Variants in ARHGAP15 observed in about 807,000 individuals in gnomAD.
The protein encoded by ARHGAP15 is Rho GTPase activating protein 15.
A neutral mutation model predicts 63.7 loss-of-function variants in ARHGAP15; 51 were observed. That is an observed-to-expected ratio of 0.80 (90% confidence interval 0.64 to 1.01). The LOEUF is 1.01. ARHGAP15 is among the 50% of genes least tolerant of loss of function. The pLI is 0.00. For synonymous variants in ARHGAP15, 191 were observed against 193.8 expected (o/e 0.99, Z 0.12); for missense variants, 560 against 564.6 (o/e 0.99, Z 0.08).
intron 1 of ARHGAP15, among the ~76,000 whole-genome samples, chr2:143,149,082 C>G (rs1384741102): frequency 6.6e-6 from 1 of 151,910 alleles, no homozygotes. Context: ...TAAGATCTTT[C>G]CAGGGGATAG....
intron 6 of ARHGAP15, among the ~76,000 whole-genome samples, chr2:143,376,722 TA>T (rs1197180457): frequency 2.6e-5 from 4 of 151,998 alleles, no homozygotes; most frequent in African/African-American, 9.7e-5. Context: ...ATTCATACTT[TA>T]ATTTACTCCC....
At chr2:143,352,282 A>G (rs988455478) in intron 6 of ARHGAP15, among the ~76,000 whole-genome samples, 1 of 152,228 alleles carries the variant, frequency 6.6e-6, no homozygotes, top group African/African-American at 2.4e-5. Context: ...TGCCATCTAA[A>G]TAAATAAATA....
intron 9 of ARHGAP15, among the ~76,000 whole-genome samples, chr2:143,493,912 T>A (rs1692699285): frequency 6.6e-6 from 1 of 152,196 alleles, no homozygotes. Context: ...AAAATTCCAT[T>A]GCCTGTCCAA....
At chr2:143,602,181 TG>T (rs1697798192) in intron 11 of ARHGAP15, among the ~76,000 whole-genome samples, 1 of 152,206 alleles carries the variant, frequency 6.6e-6, no homozygotes, top group Non-Finnish European at 1.5e-5. Context: ...ATGGTTGTCA[TG>T]TACACGTTAC....
chr2:143,591,578 AGT>A (rs1281574695), intron 11 of ARHGAP15, among the ~76,000 whole-genome samples: 1 of 151,010 alleles, frequency 6.6e-6, no homozygotes, highest in Non-Finnish European at 1.5e-5. Context: ...TTATTATGCA[AGT>A]GTTTCTGGGA....
At chr2:143,531,372 A>T (rs1423876230) in intron 10 of ARHGAP15, among the ~76,000 whole-genome samples, 1 of 152,182 alleles carries the variant, frequency 6.6e-6, no homozygotes, top group African/African-American at 2.4e-5. Context: ...CAGACATTCA[A>T]TCATTTTCAG....
intron 2 of ARHGAP15, among the ~76,000 whole-genome samples, chr2:143,188,644 A>G (rs1691543103): frequency 7.0e-6 from 1 of 142,140 alleles, no homozygotes; most frequent in African/African-American, 2.6e-5. Context: ...TATTATTATT[A>G]TTATTATTAT....
chr2:143,445,153 A>ACTTTTCTTT (rs765945989), intron 8 of ARHGAP15, among the ~76,000 whole-genome samples: 1 of 74,426 alleles, frequency 1.3e-5, no homozygotes, highest in African/African-American at 5.4e-5. Flanking sequence ...AAGAACAATT[A>ACTTTTCTTT]TTTTTTTTTT....
At chr2:143,357,674 A>C (rs1685866044) in intron 6 of ARHGAP15, among the ~76,000 whole-genome samples, 1 of 152,234 alleles carries the variant, frequency 6.6e-6, no homozygotes, top group Admixed American at 6.5e-5. Flanking sequence ...AAAGCTTTAA[A>C]CAATTTAAGA....
chr2:143,425,404 T>G (rs1432720978), intron 6 of ARHGAP15, among the ~76,000 whole-genome samples: 1 of 151,918 alleles, frequency 6.6e-6, no homozygotes, highest in African/African-American at 2.4e-5. Context: ...TATATATAAC[T>G]TTATAGTATG....
chr2:143,449,188 A>G (rs966550985), intron 8 of ARHGAP15, among the ~76,000 whole-genome samples: 1 of 152,088 alleles, frequency 6.6e-6, no homozygotes, highest in African/African-American at 2.4e-5. Context: ...CAAAAAGTCA[A>G]CAGTCCCAGC....
At chr2:143,690,852 T>C (rs1683566516) in intron 12 of ARHGAP15, among the ~76,000 whole-genome samples, 1 of 151,970 alleles carries the variant, frequency 6.6e-6, no homozygotes, top group Non-Finnish European at 1.5e-5. Context: ...CAAAACTGAG[T>C]CTCAAGTCTT....
At chr2:143,616,338 G>A (rs897302299) in intron 11 of ARHGAP15, among the ~76,000 whole-genome samples, 9 of 152,248 alleles carry the variant, frequency 5.9e-5, no homozygotes, top group Non-Finnish European at 1.2e-4. Flanking sequence ...GAAATCTGAG[G>A]AGAAATAAAA....
At chr2:143,343,625 G>A (rs1360787532) in intron 6 of ARHGAP15, among the ~76,000 whole-genome samples, 2 of 151,948 alleles carry the variant, frequency 1.3e-5, no homozygotes, top group East Asian at 1.9e-4. Context: ...ATTTCTCAAC[G>A]TTACTTTAGA....
intron 13 of ARHGAP15, among the ~76,000 whole-genome samples, chr2:143,708,772 A>G (rs1432879744): frequency 6.6e-6 from 1 of 152,110 alleles, no homozygotes; most frequent in Non-Finnish European, 1.5e-5. Flanking sequence ...TCTCCCTAAT[A>G]GACTTCTAGT....
At chr2:143,636,446 A>G (rs1680319103) in intron 12 of ARHGAP15, among the ~76,000 whole-genome samples, 1 of 152,162 alleles carries the variant, frequency 6.6e-6, no homozygotes, top group Admixed American at 6.6e-5. Context: ...TCCTGAACAA[A>G]TATTAGACCC....
At position 143,739,490 on chromosome 2, in the gene ARHGAP15, C is replaced by T. The variant is rs565523540; in HGVS notation, c.1245-28499C>T. Among the ~76,000 whole-genome samples the T allele has an allele frequency of 5.1e-4, 77 of 152,236 alleles. No individual in the cohort carries two copies. In the South Asian group the frequency reaches 0.011, roughly 22 times the overall value. On this transcript the variant is annotated intron_variant, in intron 13 of 13. Coordinates refer to ENST00000295095, the MANE Select transcript of ARHGAP15 (RefSeq NM_018460.4). ...CAGCTGAAGCAGGCAAGAAATAGCG[C>T]CCAGAGTCCTTGGGAATTTTGCATC...
intron 11 of ARHGAP15, among the ~76,000 whole-genome samples, chr2:143,611,164 GTTGT>G (rs1394160897): frequency 6.6e-6 from 1 of 152,156 alleles, no homozygotes; most frequent in African/African-American, 2.4e-5. Context: ...AGGAACTCAT[GTTGT>G]TTGTTAGTTT....
intron 12 of ARHGAP15, among the ~76,000 whole-genome samples, chr2:143,646,458 G>GTTGA (rs1680883880): frequency 6.6e-6 from 1 of 151,910 alleles, no homozygotes; most frequent in South Asian, 2.1e-4. Context: ...CCACTGCATT[G>GTTGA]TTGATTACTA....
Sources: gnomAD v4.1 joint callset for allele counts (sites outside exome capture counted in the v4.1 genomes callset) on GRCh38, gnomAD v4.1.1 for gene constraint, MANE v1.5 for transcripts, NCBI Gene and HGNC (gene_info 2026-07-23, HGNC 2026-07-21) for gene names.